Variants in GARNL3 observed in about 807,000 individuals in gnomAD.
GARNL3 encodes GTPase activating Rap/RanGAP domain like 3.
GARNL3 carries 63 observed loss-of-function variants against 125.0 expected under a neutral mutation model. That is an observed-to-expected ratio of 0.50 (90% CI 0.41 to 0.62). The LOEUF is 0.62. Ranked by LOEUF, GARNL3 falls within the 20% of genes least tolerant of loss-of-function variation. GARNL3 has a pLI of 0.00. For missense variants in GARNL3, 994 were observed against 1,244.0 expected (o/e 0.80, Z 3.02); for synonymous variants, 439 against 457.5 (o/e 0.96, Z 0.52).
At chr9:127,257,443 G>A (rs1445287353) in intron 2 of GARNL3, among the ~76,000 whole-genome samples, 3 of 152,170 alleles carry the variant, frequency 2.0e-5, no homozygotes, top group Non-Finnish European at 4.4e-5. Flanking sequence ...ATTTGGTATG[G>A]TTACTATTTT....
chr9:127,266,467 T>C lies in GARNL3; in HGVS notation c.144+1446T>C, dbSNP rs1478252541. ...GGAATCAGGTAGGCCTGGGTTCCCA[T>C]ACCAGGTCTATTACTTATCTTTGTG... On this transcript the variant is annotated intron_variant, in intron 1 of 27. Coordinates refer to ENST00000373387, the MANE Select transcript of GARNL3 (RefSeq NM_032293.5). The surrounding 1 kb of genome is among the most constrained non-coding windows in gnomAD (Gnocchi z 4.0). 6.6e-6 allele frequency among the ~76,000 whole-genome samples: 1 copy of C among 152,234 alleles called. No homozygotes were observed. The highest frequency in any genetic ancestry group is 2.4e-5 in the African/African-American group (1 of 41,462).
intron 16 of GARNL3, 108 bp from the exon 17 acceptor site, chr9:127,348,816 G>T: frequency 3.0e-6 from 2 of 676,020 alleles, no homozygotes; most frequent in South Asian, 2.1e-5. Context: ...GCTCCCACGG[G>T]GGTATCTGTG....
At chr9:127,315,128 C>T (rs2065204891) in intron 4 of GARNL3, among the ~76,000 whole-genome samples, 1 of 152,168 alleles carries the variant, frequency 6.6e-6, no homozygotes, top group East Asian at 1.9e-4. Flanking sequence ...AGTTATGTGC[C>T]AAGGACAATG....
chr9:127,383,413 T>C, intron 22 of GARNL3, 25 bp from the exon 23 acceptor site: 1 of 1,446,894 alleles, frequency 6.9e-7, no homozygotes, highest in South Asian at 1.2e-5. Context: ...CTAACAAAAA[T>C]GAGTTGCTGT....
At chr9:127,254,632 G>A (rs928832616) in intron 2 of GARNL3, among the ~76,000 whole-genome samples, 10 of 152,066 alleles carry the variant, frequency 6.6e-5, no homozygotes, top group African/African-American at 2.2e-4. Flanking sequence ...AACCAGATGT[G>A]GTGGCACGTG....
chr9:127,368,583 A>G (rs541312205), intron 22 of GARNL3, among the ~76,000 whole-genome samples: 10 of 149,326 alleles, frequency 6.7e-5, no homozygotes, highest in Non-Finnish European at 1.5e-4. Flanking sequence ...CACCTGCCTC[A>G]GCCTCCCAAA....
Position 127,393,365 on chromosome 9 carries a change from T to C in GARNL3, c.*111T>C, listed in dbSNP as rs1192898340. Reference sequence around the variant, plus strand: ...TGTGGCTTTTAGCCTGTCAGTGATCTATTGGACCAAACCTTCTGCACACTC... The same window carrying C: ...TGTGGCTTTTAGCCTGTCAGTGATCCATTGGACCAAACCTTCTGCACACTC... On this transcript the variant is annotated 3_prime_UTR_variant, in exon 28 of 28. Coordinates refer to ENST00000373387, the MANE Select transcript of GARNL3 (RefSeq NM_032293.5). The C allele has an allele frequency of 2.1e-6, 2 of 974,922 alleles. No individual in the cohort carries two copies. The highest frequency in any genetic ancestry group is 1.6e-5 in the African/African-American group (1 of 62,092). 60.4% of individuals were successfully genotyped at this position (974,922 alleles called of 1,614,324 possible). A position where few individuals can be genotyped will look rare whatever the true frequency, so the allele number is the denominator to read the frequency against.
intron 2 of GARNL3, among the ~76,000 whole-genome samples, chr9:127,247,681 C>T (rs1201696089): frequency 2.6e-5 from 4 of 151,796 alleles, no homozygotes; most frequent in Non-Finnish European, 5.9e-5. Context: ...TTATGGGATA[C>T]GTGAGATATT....
In GARNL3 at chr9:127,252,134, T is replaced by C. The variant is rs1325141255; in HGVS notation, c.143+8885T>C. 2.0e-5 allele frequency among the ~76,000 whole-genome samples: 3 copies of C among 152,372 alleles called. No homozygotes were observed. In the East Asian group the frequency reaches 5.8e-4, roughly 29 times the overall value. ...CAGTGTAAGTGCCTTTTTGGATTTT[T>C]ATTTGTTTTCTGTGGAACCTCCCTG... On this transcript the variant is annotated intron_variant, in intron 2 of 10. Transcript: ENST00000439286.
chr9:127,331,699 T>C (rs1829250806), intron 7 of GARNL3, among the ~76,000 whole-genome samples: 1 of 136,944 alleles, frequency 7.3e-6, no homozygotes. Context: ...TACCAGCTAC[T>C]GCTTGCTTGG....
chr9:127,241,998 G>T (rs1156918481), intron 1 of GARNL3, among the ~76,000 whole-genome samples: 1 of 151,802 alleles, frequency 6.6e-6, no homozygotes, highest in Non-Finnish European at 1.5e-5. Flanking sequence ...TGCAGCCTTG[G>T]GTCTAACTGG....
intron 13 of GARNL3, among the ~76,000 whole-genome samples, chr9:127,341,903 G>A (rs1313068766): frequency 6.6e-6 from 1 of 152,148 alleles, no homozygotes; most frequent in African/African-American, 2.4e-5. Flanking sequence ...GACCAGGAGG[G>A]GTTGGTGCGC....
chr9:127,227,225 T>C (rs960730770), intron 1 of GARNL3, among the ~76,000 whole-genome samples: 1 of 152,220 alleles, frequency 6.6e-6, no homozygotes, highest in African/African-American at 2.4e-5. Flanking sequence ...CCTCCAGAGT[T>C]TTCTTATTCT....
rs748465478 is a variant in GARNL3, at chr9:127,393,130, C to T, written c.2918C>T (p.Pro973Leu). The T allele has an allele frequency of 1.2e-6, 2 of 1,611,282 alleles. No homozygotes were observed. Among genetic ancestry groups the T allele is most frequent in the Admixed American group, 3.3e-5 (2 of 59,996 alleles). Residue 973 changes from proline to leucine, a missense_variant, in exon 28 of 28, where the codon CCT (proline) becomes CTT (leucine). Physicochemically the swap from Pro to Leu is moderately conservative, Grantham distance 98. Around this residue, in one of 5 missense-constraint regions of GARNL3, gnomAD observed 728 missense variants for 865.7 expected, o/e 0.84. Transcript: ENST00000373387. ...LESASTSEAN[P>L]EGHSASSDQD... ...AGTGCTTCTACTTCCGAAGCCAACC[C>T]TGAGGGGCACTCAGCCAGCTCTGAC... is the stretch of plus-strand genomic sequence containing the variant.
chr9:127,305,928 T>G (rs1458492521), intron 2 of GARNL3, among the ~76,000 whole-genome samples: 1 of 152,048 alleles, frequency 6.6e-6, no homozygotes, highest in Non-Finnish European at 1.5e-5. Context: ...TAAAGAAAAC[T>G]CCTCATATTG....
At chr9:127,372,591 A>C (rs1342306785) in intron 22 of GARNL3, among the ~76,000 whole-genome samples, 3 of 152,178 alleles carry the variant, frequency 2.0e-5, no homozygotes, top group Non-Finnish European at 2.9e-5. Context: ...AGCTCTACAT[A>C]GTGTAATATA....
Position 127,369,610 on chromosome 9 carries a change from G to A in GARNL3, c.2161+4244G>A, listed in dbSNP as rs557096119. Among the ~76,000 whole-genome samples the A allele has an allele frequency of 9.8e-5, 15 of 152,316 alleles. No individual in the cohort carries two copies. In the East Asian group the frequency reaches 2.9e-3, roughly 29 times the overall value. Reference sequence around the variant, plus strand: ...TGTCTGAGAGGGACCCTTGGACCCAGCGAGGTGGAGGTCATTTGGAAGACA... The same window carrying A: ...TGTCTGAGAGGGACCCTTGGACCCAACGAGGTGGAGGTCATTTGGAAGACA... On this transcript the variant is annotated intron_variant, in intron 22 of 27. Transcript: ENST00000373387.
chr9:127,393,281 T>A lies in GARNL3; in HGVS notation c.*27T>A, dbSNP rs768336253. 6.3e-7 allele frequency: 1 copy of A among 1,583,976 alleles called. No homozygotes were observed. The highest frequency in any genetic ancestry group is 2.3e-5 in the East Asian group (1 of 44,194). On this transcript the variant is annotated 3_prime_UTR_variant, in exon 28 of 28. Transcript: ENST00000373387. ...AGAGTTGAATCTCATTTGCCATCTT[T>A]AGTTTTCTTATGGAGGTTTATACTC...
At chr9:127,380,105 A>G (rs775001105) in intron 22 of GARNL3, among the ~76,000 whole-genome samples, 17 of 151,732 alleles carry the variant, frequency 1.1e-4, no homozygotes, top group Non-Finnish European at 2.2e-4. Context: ...CTTGAACCCA[A>G]GAGGCAGAAC....
Sources: gnomAD v4.1 joint callset for allele counts (sites outside exome capture counted in the v4.1 genomes callset) on GRCh38, gnomAD v4.1.1 for gene constraint, gnomAD v4.1.1 regional missense constraint, Gnocchi (gnomAD v3.1) non-coding constraint, MANE v1.5 for transcripts, NCBI Gene and HGNC (gene_info 2026-07-23, HGNC 2026-07-21) for gene names.